The following CAST variants were observed in gnomAD, a reference collection of about 807,000 sequenced individuals.
The protein encoded by CAST is MIR583 host.
CAST carries 76 observed loss-of-function variants against 119.6 expected under a neutral mutation model. The ratio of observed to expected loss-of-function variants is 0.64; its 90% CI spans 0.53 to 0.77. The LOEUF is 0.77. Among genes scored for constraint, CAST ranks in the 30% least tolerant of loss-of-function variants. The pLI is 0.00. For synonymous variants in CAST, 319 were observed against 331.6 expected (o/e 0.96, Z 0.41); for missense variants, 953 against 946.5 (o/e 1.01, Z -0.09).
the CAST span, among the ~76,000 whole-genome samples, chr5:96,446,177 T>TCC: frequency 2.6e-5 from 2 of 75,816 alleles, no homozygotes; most frequent in Admixed American, 2.2e-4. Flanking sequence ...ATTTTTAGTG[T>TCC]ACAAAAAAAA....
the CAST span, chr5:96,395,166 C>A: frequency 1.4e-6 from 1 of 722,714 alleles, no homozygotes; most frequent in Non-Finnish European, 2.4e-6. Context: ...CCATTGGATC[C>A]ACTCTTGCTA....
intron 1 of CAST, among the ~76,000 whole-genome samples, chr5:96,596,662 T>G (rs935735224): frequency 5.3e-5 from 8 of 152,170 alleles, no homozygotes; most frequent in Non-Finnish European, 1.2e-4. Context: ...TGTGAGATGC[T>G]TTCTTCTGTG....
intron 1 of CAST, among the ~76,000 whole-genome samples, chr5:96,555,978 A>G (rs771049956): frequency 1.3e-5 from 2 of 152,190 alleles, no homozygotes; most frequent in Non-Finnish European, 2.9e-5. Flanking sequence ...GCAGACTGAC[A>G]CCTCACATGG....
the CAST span, chr5:96,425,963 G>T: frequency 8.2e-7 from 1 of 1,222,326 alleles, no homozygotes; most frequent in Non-Finnish European, 1.2e-6. Context: ...AAAATCAAAA[G>T]TCAAATATCT....
the CAST span, among the ~76,000 whole-genome samples, chr5:96,154,757 T>C: frequency 5.3e-5 from 8 of 152,166 alleles, no homozygotes; most frequent in Admixed American, 1.3e-4. Flanking sequence ...TTGTCTGGTG[T>C]TTTTCTTAGG....
At chr5:96,695,040 C>A (rs469633) in intron 2 of CAST, among the ~76,000 whole-genome samples, 1 of 152,000 alleles carries the variant, frequency 6.6e-6, no homozygotes, top group Non-Finnish European at 1.5e-5. Context: ...ATAACGTAAC[C>A]CCCTATTATG....
the CAST span, among the ~76,000 whole-genome samples, chr5:96,300,485 T>C: frequency 1.3e-5 from 2 of 152,208 alleles, no homozygotes; most frequent in African/African-American, 4.8e-5. Flanking sequence ...GATACCATGC[T>C]GTTTTAATTA....
At chr5:96,412,752 G>GTTTTTTTTTTTTTTTTTT in the CAST span, among the ~76,000 whole-genome samples, 90 of 71,804 alleles carry the variant, frequency 1.3e-3, 24 homozygotes, top group African/African-American at 7.7e-3. Context: ...CAGCTGTGAT[G>GTTTTTTTTTTTTTTTTTT]TTTTTTTTTT....
At chr5:96,514,630 C>G in the CAST span, among the ~76,000 whole-genome samples, 2 of 152,294 alleles carry the variant, frequency 1.3e-5, no homozygotes, top group East Asian at 3.9e-4. Flanking sequence ...CCACCCTTAA[C>G]CCAGCACTCC....
At chr5:96,056,100 C>T in the CAST span, among the ~76,000 whole-genome samples, 1 of 152,090 alleles carries the variant, frequency 6.6e-6, no homozygotes, top group South Asian at 2.1e-4. Context: ...TACCTTACCT[C>T]CCCCTAGTTA....
the CAST span, among the ~76,000 whole-genome samples, chr5:96,177,980 T>G: frequency 6.6e-6 from 1 of 152,200 alleles, no homozygotes; most frequent in Non-Finnish European, 1.5e-5. Flanking sequence ...AAAATATATC[T>G]GATGGAAAAT....
intron 29 of CAST, chr5:96,769,672 C>T (rs1771515898): frequency 6.6e-6 from 1 of 151,976 alleles, no homozygotes; most frequent in Non-Finnish European, 1.5e-5. Context: ...TATACATTAA[C>T]TCTCTACACT....
chr5:96,281,370 A>T, the CAST span, among the ~76,000 whole-genome samples: 1 of 152,174 alleles, frequency 6.6e-6, no homozygotes, highest in East Asian at 1.9e-4. Context: ...CCTTTCTCTG[A>T]GTTGTCTTCA....
intron 2 of CAST, among the ~76,000 whole-genome samples, chr5:96,695,424 TTTCTC>T (rs146266000): frequency 1.3e-5 from 2 of 152,350 alleles, no homozygotes; most frequent in African/African-American, 4.8e-5. Flanking sequence ...AAAAATACTT[TTTCTC>T]TTCTCTTATT....
At chr5:96,711,186 A>T (rs1166514364) in intron 3 of CAST, among the ~76,000 whole-genome samples, 1 of 152,222 alleles carries the variant, frequency 6.6e-6, no homozygotes, top group Non-Finnish European at 1.5e-5. Context: ...CTTGATTTCC[A>T]GTTGAAGTAG....
chr5:96,492,730 C>T, the CAST span, among the ~76,000 whole-genome samples: 2 of 152,144 alleles, frequency 1.3e-5, no homozygotes, highest in Admixed American at 6.5e-5. Context: ...AAAATAAACT[C>T]CAATGGAGAA....
At chr5:96,772,439 A>G (rs1317118551) in intron 31 of CAST, 1 of 152,582 alleles carries the variant, frequency 6.6e-6, no homozygotes, top group Non-Finnish European at 1.5e-5. Context: ...CCTAGGAAAA[A>G]AGGAGCTATA....
intron 1 of CAST, among the ~76,000 whole-genome samples, chr5:96,555,879 G>T (rs1746228716): frequency 6.6e-6 from 1 of 152,124 alleles, no homozygotes; most frequent in African/African-American, 2.4e-5. Context: ...AGAGAGTAGT[G>T]GTTCTCCCAG....
chr5:96,604,034 A>G (rs113290906), intron 1 of CAST, among the ~76,000 whole-genome samples: 12,627 of 152,102 alleles, frequency 0.083, 603 homozygotes, highest in African/African-American at 0.14. Context: ...CAAAGTGCTG[A>G]GATTACAGGC....
Sources: gnomAD v4.1 joint callset for allele counts (sites outside exome capture counted in the v4.1 genomes callset) on GRCh38, gnomAD v4.1.1 for gene constraint, MANE v1.5 for transcripts, NCBI Gene and HGNC (gene_info 2026-07-23, HGNC 2026-07-21) for gene names.